CLN6: variants seen among roughly 807,000 people sequenced by gnomAD.
The protein encoded by CLN6 is CLN6 transmembrane ER protein, also known as ceroid-lipofuscinosis neuronal protein 6.
CLN6 carries 22 observed loss-of-function variants against 33.3 expected under a neutral mutation model. That is an observed-to-expected ratio of 0.66 (90% confidence interval 0.47 to 0.94). The LOEUF is 0.94. Ranked by LOEUF, CLN6 falls within the 40% of genes least tolerant of loss-of-function variation. The probability of loss-of-function intolerance (pLI) is 0.00; values close to 1 mark genes in which losing one functional copy is unlikely to be tolerated. For missense variants in CLN6, 387 were observed against 417.1 expected, an observed-to-expected ratio of 0.93 and a Z score of 0.63; for synonymous variants, 201 against 174.6, an observed-to-expected ratio of 1.15 and a Z score of -1.19.
chr15:68,218,738 G>C (rs1385699514), intron 1 of CLN6, 88 bp from the exon 2 acceptor site: 1 of 927,304 alleles, frequency 1.1e-6, no homozygotes, highest in East Asian at 2.5e-5. Flanking sequence ...GAGGTCTGGG[G>C]ACTTGAGGAC....
intron 2 of CLN6, 47 bp from the exon 3 acceptor site, chr15:68,214,435 C>T (rs754748713): frequency 4.4e-5 from 64 of 1,463,368 alleles, no homozygotes; most frequent in East Asian, 1.8e-4. Context: ...CAGCCCCACG[C>T]GGCCCTCGGG....
At chr15:68,225,058 T>A (rs140820675) in intron 1 of CLN6, among the ~76,000 whole-genome samples, 1 of 152,052 alleles carries the variant, frequency 6.6e-6, no homozygotes, top group Non-Finnish European at 1.5e-5. Context: ...AGTCAAGCGG[T>A]AACCCACAAA....
rs1474512436 is a variant in CLN6 at position 68,236,420 on chromosome 15, T to C, written c.180-17770A>G. Among the ~76,000 whole-genome samples the C allele has an allele frequency of 6.6e-6, 1 of 152,240 alleles. No homozygotes were observed. The highest frequency in any genetic ancestry group is 1.5e-5 in the Non-Finnish European group (1 of 68,046). ...CAAATTCAGTGGACTATTATACAGC[T>C]ATAAGAAGGCACTAAGTACTGATGT... On this transcript the variant is annotated intron_variant, in intron 1 of 6. Coordinates refer to the CLN6 transcript ENST00000538696. This position sits in a 1 kb window ranked among gnomAD's most constrained non-coding sequence, Gnocchi z 4.5.
At chr15:68,233,043 AAAAT>A (rs547945110), upstream of CLN6, among the ~76,000 whole-genome samples, 1 of 152,144 alleles carries the variant, frequency 6.6e-6, no homozygotes, top group Non-Finnish European at 1.5e-5. This position sits in a 1 kb window ranked among gnomAD's most constrained non-coding sequence, Gnocchi z 4.3. Context: ...GCTCAGTCTC[AAAAT>A]AAATAAATAA....
chr15:68,240,798 A>C (rs1892273415), intron 1 of CLN6, among the ~76,000 whole-genome samples: 1 of 151,990 alleles, frequency 6.6e-6, no homozygotes, highest in Admixed American at 6.6e-5. Context: ...ACCCTGGCCA[A>C]CGTGGTGAAA....
At chr15:68,245,341 T>C (rs1288823150) in intron 1 of CLN6, among the ~76,000 whole-genome samples, 1 of 152,006 alleles carries the variant, frequency 6.6e-6, no homozygotes, top group African/African-American at 2.4e-5. Context: ...GGCTGGCAGG[T>C]TGCTTGAACC....
intron 1 of CLN6, chr15:68,254,497 T>C (rs1228174524): frequency 2.9e-6 from 1 of 343,034 alleles, no homozygotes; most frequent in Admixed American, 4.3e-5. Context: ...CAAATGTCTC[T>C]TAATAAATTT....
intron 1 of CLN6, among the ~76,000 whole-genome samples, chr15:68,251,590 G>T (rs1031860167): frequency 7.9e-5 from 12 of 152,044 alleles, no homozygotes; most frequent in Non-Finnish European, 1.6e-4. Flanking sequence ...CAGAAGAATC[G>T]CTTGAGCCTG....
intron 1 of CLN6, among the ~76,000 whole-genome samples, chr15:68,223,603 G>A (rs1167851212): frequency 1.3e-5 from 2 of 152,160 alleles, no homozygotes; most frequent in African/African-American, 4.8e-5. Flanking sequence ...TTGGAAGCAT[G>A]AACACTTAGA....
In CLN6 at chr15:68,211,407, C is replaced by A; in HGVS notation, c.487-89G>T. 6.5e-7 allele frequency: 1 copy of A among 1,546,830 alleles called. No individual in the cohort carries two copies. The highest frequency in any genetic ancestry group is 2.2e-5 in the East Asian group (1 of 44,502). ...GCCCCAAGCATCCCCTCTGACCACC[C>A]TTCTCCCAGTCCCAGGCCTCCCCCA... On this transcript the variant is annotated intron_variant, in intron 4 of 6. Transcript: ENST00000249806. This position sits in a 1 kb window ranked among gnomAD's most constrained non-coding sequence, Gnocchi z 5.9.
rs969930110 is a variant in CLN6, at chr15:68,210,265, C to T, written c.543-506G>A. Among the ~76,000 whole-genome samples the T allele has an allele frequency of 6.6e-6, 1 of 151,964 alleles. No homozygotes were observed. Among genetic ancestry groups the T allele is most frequent in the African/African-American group, 2.4e-5 (1 of 41,372 alleles). The stretch of plus-strand genomic sequence containing the variant: ...ACTACCCTCTCCCCTCTCCACACAC[C>T]GGCTCCCTTTCTCCCACCTGTGCTT... On this transcript the variant is annotated intron_variant, in intron 5 of 6. Coordinates refer to ENST00000249806, the MANE Select transcript of CLN6 (RefSeq NM_017882.3). This position sits in a 1 kb window ranked among gnomAD's most constrained non-coding sequence, Gnocchi z 5.6.
chr15:68,225,834 G>A (rs1161947938), intron 1 of CLN6, among the ~76,000 whole-genome samples: 2 of 151,816 alleles, frequency 1.3e-5, no homozygotes, highest in African/African-American at 2.4e-5. Flanking sequence ...TTAGATGGGC[G>A]TGATGGTGGG....
At position 68,229,573 on chromosome 15, in the gene CLN6, C is replaced by T; in HGVS notation, c.12G>A (p.Thr4=). Residue 4 remains threonine (T), a synonymous_variant, in exon 1 of 7, where the codon ACG becomes ACA. Coordinates refer to ENST00000249806, the MANE Select transcript of CLN6 (RefSeq NM_017882.3). The part of the protein sequence containing the change: MEA[T]RRRQHLGATG... ...TCGCTCCCAGGTGCTGCCGCCTCCG[C>T]GTCGCCTCCATGGCTGCCCCGCAGG... 6.8e-7 allele frequency: 1 copy of T among 1,466,918 alleles called. No individual in the cohort carries two copies. 90.9% of individuals were successfully genotyped at this position (1,466,918 alleles called of 1,614,324 possible). A position where few individuals can be genotyped will look rare whatever the true frequency, so the allele number is the denominator to read the frequency against.
rs1267232379 is a variant in CLN6 at position 68,236,954 on chromosome 15, G to C, written c.180-18304C>G. Among the ~76,000 whole-genome samples the C allele has an allele frequency of 1.3e-5, 2 of 150,414 alleles. No homozygotes were observed. The highest frequency in any genetic ancestry group is 2.0e-4 in the East Asian group (1 of 5,102). On this transcript the variant is annotated intron_variant, in intron 1 of 6. Coordinates refer to the CLN6 transcript ENST00000538696. The surrounding 1 kb of genome is among the most constrained non-coding windows in gnomAD (Gnocchi z 4.5). ...GGGTGGATCATGAGGTCAGGAGATC[G>C]AGACCATCCTGGCTAACAAGGTGAA...
chr15:68,237,817 AC>A (rs1892235487), intron 1 of CLN6, among the ~76,000 whole-genome samples: 2 of 152,242 alleles, frequency 1.3e-5, no homozygotes, highest in Admixed American at 1.3e-4. Context: ...TAAAAGAAAG[AC>A]AGCACATATC....
intron 1 of CLN6, among the ~76,000 whole-genome samples, chr15:68,255,619 C>A (rs1307734500): frequency 5.3e-5 from 8 of 152,146 alleles, no homozygotes; most frequent in Non-Finnish European, 1.2e-4. Context: ...GTTTGAAAGT[C>A]ACTGCATATG....
At position 68,208,023 on chromosome 15, in the gene CLN6, C is replaced by A; in HGVS notation, c.*117G>T. ...ACGAATCCACGCACACGAGGCACAC[C>A]CCACTCATGCTCTCGGTCTCTGGTT... On this transcript the variant is annotated 3_prime_UTR_variant, in exon 7 of 7. Coordinates refer to ENST00000249806, the MANE Select transcript of CLN6 (RefSeq NM_017882.3). The surrounding 1 kb of genome is among the most constrained non-coding windows in gnomAD (Gnocchi z 5.8). 9.0e-7 allele frequency: 1 copy of A among 1,109,306 alleles called. No individual in the cohort carries two copies. 68.7% of individuals were successfully genotyped at this position (1,109,306 alleles called of 1,614,324 possible).
intron 1 of CLN6, among the ~76,000 whole-genome samples, chr15:68,251,885 T>C (rs915857671): frequency 6.6e-6 from 1 of 151,490 alleles, no homozygotes; most frequent in Non-Finnish European, 1.5e-5. Context: ...AATGCAAAAC[T>C]GGAAGAAGGT....
chr15:68,218,768 T>C, intron 1 of CLN6, 118 bp from the exon 2 acceptor site: 1 of 725,146 alleles, frequency 1.4e-6, no homozygotes, highest in South Asian at 1.4e-5. Flanking sequence ...CACACATAAT[T>C]GAGTTCTATG....
Sources: allele counts gnomAD v4.1 joint callset (sites outside exome capture counted in the v4.1 genomes callset), GRCh38; gene constraint gnomAD v4.1.1; non-coding constraint Gnocchi (gnomAD v3.1); transcripts MANE v1.5; gene names NCBI Gene and HGNC (gene_info 2026-07-23, HGNC 2026-07-21).